Variants in SCTR observed in about 807,000 individuals in gnomAD.
SCTR encodes secretin receptor.
SCTR carries 56 observed loss-of-function variants against 60.8 expected under a neutral mutation model. The ratio of observed to expected loss-of-function variants is 0.92; its 90% CI spans 0.74 to 1.15. The LOEUF (loss-of-function observed/expected upper bound fraction) is 1.15, where lower values mean the gene tolerates loss of function less well. Among genes scored for constraint, SCTR ranks in the 50% most tolerant of loss-of-function variants. SCTR has a pLI of 0.00. For synonymous variants in SCTR, 202 were observed against 217.0 expected (o/e 0.93, Z 0.61); for missense variants, 562 against 550.4 (o/e 1.02, Z -0.21).
At chr2:119,448,267 G>A (rs535391437) in intron 10 of SCTR, among the ~76,000 whole-genome samples, 44 of 152,296 alleles carry the variant, frequency 2.9e-4, no homozygotes, top group African/African-American at 9.1e-4. Context: ...CCTAGAAAAC[G>A]AACGTATTTC....
chr2:119,461,277 C>T (rs935525718), intron 7 of SCTR, among the ~76,000 whole-genome samples: 3 of 152,146 alleles, frequency 2.0e-5, no homozygotes, highest in Non-Finnish European at 2.9e-5. Flanking sequence ...TAAAGGCAGA[C>T]GAGGCAACAA....
At chr2:119,469,337 C>T (rs2104819576) in intron 4 of SCTR, among the ~76,000 whole-genome samples, 1 of 152,302 alleles carries the variant, frequency 6.6e-6, no homozygotes, top group East Asian at 1.9e-4. Context: ...GAAGATTCTG[C>T]ACTGTCCCGT....
intron 6 of SCTR, 137 bp downstream of exon 6, chr2:119,463,986 G>T: frequency 1.1e-6 from 1 of 886,706 alleles, no homozygotes; most frequent in Non-Finnish European, 1.8e-6. Flanking sequence ...TGTCAGCACT[G>T]GCTGCTTTAT....
At chr2:119,500,729 A>C (rs1354380743) in intron 1 of SCTR, among the ~76,000 whole-genome samples, 1 of 152,152 alleles carries the variant, frequency 6.6e-6, no homozygotes, top group Non-Finnish European at 1.5e-5. Flanking sequence ...TGGGAAGGGT[A>C]GGGGAGAAAA....
chr2:119,469,061 G>C (rs1676864625), intron 4 of SCTR, among the ~76,000 whole-genome samples: 1 of 152,120 alleles, frequency 6.6e-6, no homozygotes, highest in African/African-American at 2.4e-5. Flanking sequence ...TGATGTAACT[G>C]CTCTCCTGAG....
At chr2:119,517,045 C>CCACACA (rs58865201) in intron 1 of SCTR, among the ~76,000 whole-genome samples, 13 of 151,456 alleles carry the variant, frequency 8.6e-5, no homozygotes, top group East Asian at 1.9e-4. Flanking sequence ...GGTGCTCTTA[C>CCACACA]CACACACACA....
chr2:119,466,387 G>A (rs1255794173), intron 4 of SCTR, among the ~76,000 whole-genome samples: 1 of 152,122 alleles, frequency 6.6e-6, no homozygotes. Context: ...AGGTCATACA[G>A]GGAGGCCTGC....
intron 7 of SCTR, among the ~76,000 whole-genome samples, chr2:119,458,940 C>G (rs1158336430): frequency 1.3e-5 from 2 of 152,202 alleles, no homozygotes; most frequent in Non-Finnish European, 2.9e-5. Flanking sequence ...GAGTGGCAGC[C>G]TGGCTCATCT....
intron 1 of SCTR, among the ~76,000 whole-genome samples, chr2:119,499,838 T>C (rs1678474817): frequency 6.6e-6 from 1 of 152,118 alleles, no homozygotes; most frequent in South Asian, 2.1e-4. Flanking sequence ...AATGTTGACA[T>C]TTCTTGCCTT....
chr2:119,472,490 C>T (rs1677066210), intron 4 of SCTR, among the ~76,000 whole-genome samples: 1 of 152,202 alleles, frequency 6.6e-6, no homozygotes, highest in Non-Finnish European at 1.5e-5. Context: ...AGACAGGGCC[C>T]TGATGGCCAC....
chr2:119,510,812 G>A (rs1002691079), intron 1 of SCTR, among the ~76,000 whole-genome samples: 3 of 151,786 alleles, frequency 2.0e-5, no homozygotes, highest in African/African-American at 4.9e-5. Context: ...ATGACAAATA[G>A]TATTTCCCTT....
rs573429015 is a variant in SCTR at position 119,440,045 on chromosome 2, G to A, written c.*72C>T. 2 of 1,492,416 alleles carry A rather than the reference G, an allele frequency of 1.3e-6. No individual in the cohort carries two copies. The highest frequency in any genetic ancestry group is 2.3e-5 in the East Asian group (1 of 43,564). The allele number at this position is 1,492,416 out of a possible 1,614,324, so 92.4% of individuals were successfully genotyped here. A position where few individuals can be genotyped will look rare whatever the true frequency, so the allele number is the denominator to read the frequency against. On this transcript the variant is annotated 3_prime_UTR_variant, in exon 13 of 13. Coordinates refer to ENST00000019103, the MANE Select transcript of SCTR (RefSeq NM_002980.3). ...AGGGTGTCTGCTGGGAAGACTGGCT[G>A]TCCCACAGCAGTGCCCAGCCTTCGC... is the stretch of plus-strand genomic sequence containing the variant.
At chr2:119,517,442 G>A (rs1679150007) in intron 1 of SCTR, among the ~76,000 whole-genome samples, 1 of 152,198 alleles carries the variant, frequency 6.6e-6, no homozygotes, top group African/African-American at 2.4e-5. Flanking sequence ...TTACAGGAGT[G>A]AGCCACCGTG....
chr2:119,460,009 C>G (rs761446307), intron 7 of SCTR, among the ~76,000 whole-genome samples: 1 of 151,852 alleles, frequency 6.6e-6, no homozygotes, highest in Non-Finnish European at 1.5e-5. Flanking sequence ...CTAGAGACGT[C>G]GGCATAACTC....
Position 119,465,816 on chromosome 2 carries a change from A to T in SCTR, c.476T>A (p.Val159Asp), listed in dbSNP as rs1468529549. 6.2e-7 allele frequency: 1 copy of T among 1,613,828 alleles called. No homozygotes were observed. The highest frequency in any genetic ancestry group is 1.3e-5 in the African/African-American group (1 of 74,896). Residue 159 changes from valine to aspartate, a missense_variant, in exon 5 of 13, where the codon GTC becomes GAC. By Grantham distance (152) the Val-to-Asp change is radical. Coordinates refer to ENST00000019103, the MANE Select transcript of SCTR (RefSeq NM_002980.3). Reference sequence around the variant, plus strand: ...GAAAGCACAGAGGATGCCAAGGGCGACCAGGAGCATGACCAGGGAGGAGCT... The same window carrying T: ...GAAAGCACAGAGGATGCCAAGGGCGTCCAGGAGCATGACCAGGGAGGAGCT... ...GYSSSLVMLL[V>D]ALGILCAFRR...
intron 1 of SCTR, among the ~76,000 whole-genome samples, chr2:119,518,826 G>C (rs1679192141): frequency 6.6e-6 from 1 of 152,124 alleles, no homozygotes; most frequent in African/African-American, 2.4e-5. Context: ...TCAGCAAGGG[G>C]GTGCCAGGAA....
chr2:119,500,208 A>AAAAGTTTAGTCCTTAG (rs1405907658), intron 1 of SCTR, among the ~76,000 whole-genome samples: 5 of 152,156 alleles, frequency 3.3e-5, no homozygotes, highest in Non-Finnish European at 5.9e-5. Context: ...TTAGTCCTTA[A>AAAAGTTTAGTCCTTAG]AAAGACAAAA....
At chr2:119,440,566 G>A (rs986398831) in intron 12 of SCTR, among the ~76,000 whole-genome samples, 2 of 152,208 alleles carry the variant, frequency 1.3e-5, no homozygotes, top group Non-Finnish European at 2.9e-5. Context: ...CTAGCTCCCT[G>A]GCCCCCAGGC....
chr2:119,476,578 G>T (rs558524614), intron 3 of SCTR: 2 of 152,368 alleles, frequency 1.3e-5, no homozygotes, highest in African/African-American at 4.8e-5. Flanking sequence ...AATGAGGCAG[G>T]GAGGGGTTCA....
Sources: gnomAD v4.1 joint callset for allele counts (sites outside exome capture counted in the v4.1 genomes callset) on GRCh38, gnomAD v4.1.1 for gene constraint, MANE v1.5 for transcripts, NCBI Gene and HGNC (gene_info 2026-07-23, HGNC 2026-07-21) for gene names.